The following CDH4 variants were observed in gnomAD, a reference collection of about 807,000 sequenced individuals.
CDH4 encodes the protein cadherin-4.
A neutral mutation model predicts 86.0 loss-of-function variants in CDH4; 33 were observed. The observed-to-expected ratio is 0.38, with a 90% CI of 0.29 to 0.51. CDH4 has a LOEUF of 0.51. Ranked by LOEUF, CDH4 falls within the 20% of genes least tolerant of loss-of-function variation. The pLI is 0.86. For missense variants in CDH4, 1,114 were observed against 1,307.4 expected (o/e 0.85, Z 2.28); for synonymous variants, 555 against 549.4 (o/e 1.01, Z -0.14).
chr20:61,782,495 C>T (rs1237673668), intron 4 of CDH4, among the ~76,000 whole-genome samples: 1 of 152,072 alleles, frequency 6.6e-6, no homozygotes, highest in East Asian at 1.9e-4. Context: ...CATTTATGGG[C>T]TAATATAAAA....
At chr20:61,497,874 G>A (rs1041068102) in intron 2 of CDH4, among the ~76,000 whole-genome samples, 4 of 152,168 alleles carry the variant, frequency 2.6e-5, no homozygotes, top group Middle Eastern at 6.8e-3. Context: ...ATACTATTCA[G>A]CCATAAAAAA....
intron 2 of CDH4, among the ~76,000 whole-genome samples, chr20:61,538,751 A>G (rs1284450899): frequency 1.3e-5 from 2 of 152,124 alleles, no homozygotes; most frequent in Non-Finnish European, 2.9e-5. Flanking sequence ...CCTGGGTCAC[A>G]TCGTGATTTG....
chr20:61,769,519 C>T (rs760015235), intron 3 of CDH4, among the ~76,000 whole-genome samples: 2 of 152,200 alleles, frequency 1.3e-5, no homozygotes, highest in Admixed American at 6.5e-5. Flanking sequence ...AAAGGGGATT[C>T]GACTTCACAA....
chr20:61,424,709 C>A (rs2085201895), intron 2 of CDH4, among the ~76,000 whole-genome samples: 1 of 116,240 alleles, frequency 8.6e-6, no homozygotes, highest in Admixed American at 8.7e-5. Context: ...CAGCTTCAGT[C>A]CCTCTCTTTT....
intron 2 of CDH4, among the ~76,000 whole-genome samples, chr20:61,602,971 C>T (rs957356368): frequency 6.6e-6 from 1 of 152,224 alleles, no homozygotes; most frequent in Non-Finnish European, 1.5e-5. Flanking sequence ...TTCACCAGCT[C>T]CTGCGTGATC....
intron 2 of CDH4, among the ~76,000 whole-genome samples, chr20:61,601,640 G>A (rs1037890874): frequency 1.3e-5 from 2 of 152,194 alleles, no homozygotes; most frequent in Non-Finnish European, 2.9e-5. Context: ...GCAGAGTCCA[G>A]GGGAGGGAAG....
At chr20:61,542,841 A>G (rs2086050696) in intron 2 of CDH4, among the ~76,000 whole-genome samples, 1 of 152,220 alleles carries the variant, frequency 6.6e-6, no homozygotes, top group Non-Finnish European at 1.5e-5. Flanking sequence ...CACAAGGTGA[A>G]GTCCCTCAAT....
At chr20:61,664,552 C>T (rs541406371) in intron 2 of CDH4, among the ~76,000 whole-genome samples, 62 of 152,322 alleles carry the variant, frequency 4.1e-4, no homozygotes, top group African/African-American at 1.4e-3. Flanking sequence ...AAGCAGCATG[C>T]GGAAAGCTGA....
At chr20:61,640,079 A>G (rs1417929690) in intron 2 of CDH4, among the ~76,000 whole-genome samples, 1 of 152,228 alleles carries the variant, frequency 6.6e-6, no homozygotes, top group Non-Finnish European at 1.5e-5. Context: ...TTCCCCATGA[A>G]GCTCCACAGC....
In CDH4 at chr20:61,720,095, G is replaced by GTGCCGCCTGC. The variant is rs777776741; in HGVS notation, c.170-23465_170-23456dup. On this transcript the variant is annotated intron_variant, in intron 2 of 15. Transcript: ENST00000614565. ...GGCAGTCGGCGGTGGGGGTTGGGGA[G>GTGCCGCCTGC]TGCCGCCTGCTGTTTGGCAGCATCG... 1.6e-3 allele frequency among the ~76,000 whole-genome samples: 250 copies of GTGCCGCCTGC among 152,236 alleles called. 1 individual carries two copies. The highest frequency in any genetic ancestry group is 2.5e-3 in the Non-Finnish European group (167 of 68,010).
At position 61,501,420 on chromosome 20, in the gene CDH4, TTACCTGGCTACG is replaced by T. The variant is rs914205902; in HGVS notation, c.170-242139_170-242128del. Among the ~76,000 whole-genome samples the T allele has an allele frequency of 6.1e-4, 93 of 152,238 alleles. 1 individual carries two copies. The highest frequency in any genetic ancestry group is 2.1e-3 in the African/African-American group (89 of 41,540). ...GGGAAATGCTGAAAAGTGTTGGTGT[TTACCTGGCTACG>T]TACTTGGCCACGGAGAGTCCAGGTG... is the stretch of plus-strand genomic sequence containing the variant. On this transcript the variant is annotated intron_variant, in intron 2 of 15. Transcript: ENST00000614565. The surrounding 1 kb of genome is among the most constrained non-coding windows in gnomAD (Gnocchi z 4.2).
chr20:61,744,045 C>T (rs775629226), intron 3 of CDH4, among the ~76,000 whole-genome samples: 6 of 152,226 alleles, frequency 3.9e-5, no homozygotes, highest in African/African-American at 4.8e-5. Flanking sequence ...ACGGTCTTGT[C>T]GCTCTTCATA....
chr20:61,874,418 G>A (rs555021552), intron 7 of CDH4, among the ~76,000 whole-genome samples: 4 of 152,310 alleles, frequency 2.6e-5, no homozygotes, highest in Admixed American at 2.6e-4. Flanking sequence ...TTGGTGCTGG[G>A]TTCCATGCGC....
chr20:61,896,710 CT>C (rs1452136328), intron 8 of CDH4, among the ~76,000 whole-genome samples: 1 of 152,244 alleles, frequency 6.6e-6, no homozygotes, highest in East Asian at 1.9e-4. Context: ...TATTTGCTCT[CT>C]TCCGGCCAGT....
chr20:61,491,196 A>C (rs2145588748), intron 2 of CDH4, among the ~76,000 whole-genome samples: 1 of 152,346 alleles, frequency 6.6e-6, no homozygotes, highest in Non-Finnish European at 1.5e-5. Context: ...TAGTGTGGAT[A>C]AGCCCAAAGA....
At chr20:61,788,957 C>A (rs1979021839) in intron 4 of CDH4, among the ~76,000 whole-genome samples, 1 of 152,252 alleles carries the variant, frequency 6.6e-6, no homozygotes, top group African/African-American at 2.4e-5. Flanking sequence ...AGTCAGGCTT[C>A]TGTCTTCAAA....
At chr20:61,875,843 G>A (rs1184320277) in intron 7 of CDH4, among the ~76,000 whole-genome samples, 1 of 152,190 alleles carries the variant, frequency 6.6e-6, no homozygotes, top group Non-Finnish European at 1.5e-5. Context: ...CCATACAGAT[G>A]TACAGGAACC....
chr20:61,815,396 T>C (rs577203228), intron 4 of CDH4, among the ~76,000 whole-genome samples: 3 of 152,296 alleles, frequency 2.0e-5, no homozygotes, highest in East Asian at 3.9e-4. Flanking sequence ...TCCAGTAACA[T>C]CTATGCTGGT....
chr20:61,529,837 C>A (rs781740326), intron 2 of CDH4, among the ~76,000 whole-genome samples: 53 of 151,970 alleles, frequency 3.5e-4, no homozygotes, highest in Non-Finnish European at 6.2e-4. Context: ...TGTAATTTTT[C>A]TTTTCTTTTC....
Sources: gnomAD v4.1 joint callset for allele counts (sites outside exome capture counted in the v4.1 genomes callset) on GRCh38, gnomAD v4.1.1 for gene constraint, Gnocchi (gnomAD v3.1) non-coding constraint, MANE v1.5 for transcripts, NCBI Gene and HGNC (gene_info 2026-07-23, HGNC 2026-07-21) for gene names.